The following MS4A6A variants were observed in gnomAD, a reference collection of about 807,000 sequenced individuals.
MS4A6A encodes the protein membrane-spanning 4-domains subfamily A member 6A.
In MS4A6A, 19 loss-of-function variants were observed where a neutral mutation model predicts 20.6. The ratio of observed to expected loss-of-function variants is 0.92; its 90% CI spans 0.64 to 1.36. The LOEUF (loss-of-function observed/expected upper bound fraction) is 1.36, where lower values mean the gene tolerates loss of function less well. Ranked by LOEUF, MS4A6A falls within the 40% of genes most tolerant of loss-of-function variation. MS4A6A has a pLI of 0.00. For synonymous variants in MS4A6A, 108 were observed against 105.0 expected (o/e 1.03, Z -0.17); for missense variants, 272 against 261.1 (o/e 1.04, Z -0.29).
At chr11:60,181,152 C>T (rs1041186706) in intron 2 of MS4A6A, 13 of 418,076 alleles carry the variant, frequency 3.1e-5, no homozygotes, top group African/African-American at 8.3e-5. Context: ...TTCTCAAAAA[C>T]GTTAGGAGAA....
chr11:60,181,272 A>T, intron 2 of MS4A6A: 2 of 425,144 alleles, frequency 4.7e-6, no homozygotes, highest in Non-Finnish European at 8.7e-6. Flanking sequence ...ATACACATAC[A>T]CACAATATGT....
At chr11:60,183,353 C>A (rs1273149595), upstream of MS4A6A, 2 of 592,986 alleles carry the variant, frequency 3.4e-6, no homozygotes, top group Non-Finnish European at 5.9e-6. Flanking sequence ...AGGAGCAATA[C>A]CAACACTGGA....
At chr11:60,178,864 T>A (rs1320497887) in intron 3 of MS4A6A, 1 of 426,572 alleles carries the variant, frequency 2.3e-6, no homozygotes, top group Admixed American at 2.9e-5. Flanking sequence ...CAAACCCAAA[T>A]TTAGGAACAT....
rs1423906641 is a variant in MS4A6A, at chr11:60,179,953, A to G, written c.160T>C (p.Leu54=). 5 of 1,613,872 alleles carry G rather than the reference A, an allele frequency of 3.1e-6. No homozygotes were observed. Among genetic ancestry groups the G allele is most frequent in the Non-Finnish European group, 4.2e-6 (5 of 1,179,930 alleles). Residue 54 remains leucine (L), a synonymous_variant, in exon 3 of 6, where the codon TTG becomes CTG. Transcript: ENST00000528851. ...EIKVIGTIQI[L]CGMMVLSLGI... is the part of the protein sequence containing the mutation. ...AAGCTCAATACCATCATGCCACACA[A>G]GATCTGGATAGTCTGTGGGAAGAGA... is the stretch of plus-strand genomic sequence containing the variant.
At chr11:60,180,744 C>G in intron 2 of MS4A6A, 3 of 262,860 alleles carry the variant, frequency 1.1e-5, no homozygotes, top group East Asian at 1.0e-4. Flanking sequence ...CAGACTAACA[C>G]AGGGACAGAA....
rs1402077110 is a variant in MS4A6A at position 60,175,438 on chromosome 11, A to G, written c.513T>C (p.Tyr171=). The G allele has an allele frequency of 9.3e-6, 15 of 1,614,058 alleles. No homozygotes were observed. Among genetic ancestry groups the G allele is most frequent in the Middle Eastern group, 1.6e-4 (1 of 6,082 alleles). ...YVSYFYHDSL[Y]TTDCYTAKAS... ...CTTTGGCTGTATAGCAGTCCGTGGT[A>G]TAAAGTGAATCATGATAAAAGTAAG... The change falls in exon 5 of 6, where the codon TAT becomes TAC. Residue 171 remains tyrosine (Y), a synonymous_variant. Transcript: ENST00000528851.
In MS4A6A at chr11:60,178,361, G is replaced by C. The variant is rs112900451; in HGVS notation, c.283-45C>G. The C allele has an allele frequency of 1.4e-3, 2,093 of 1,515,504 alleles. 30 individuals are homozygous for C. In the African/African-American group the frequency reaches 0.025, roughly 18 times the overall value. The allele number at this position is 1,515,504 out of a possible 1,614,324, so 93.9% of individuals were successfully genotyped here. On this transcript the variant is annotated intron_variant, in intron 3 of 5. Transcript: ENST00000528851. ...GGTCAGGTCAGATTCCATGTACAGAGTACCTTCGACGTCACTATCACAATG... is the reference window on the plus strand; with the variant it reads ...GGTCAGGTCAGATTCCATGTACAGACTACCTTCGACGTCACTATCACAATG...
Position 60,172,881 on chromosome 11 carries a change from C to A in MS4A6A, c.*120G>T, listed in dbSNP as rs1856648894. ...CTCAATTGCCATCTGCTTTTCTTCT[C>A]TGTCTTCCATCACAATGCAAATGCC... On this transcript the variant is annotated 3_prime_UTR_variant, in exon 6 of 6. Transcript: ENST00000528851. The A allele has an allele frequency of 6.6e-7, 1 of 1,525,026 alleles. No individual in the cohort carries two copies. Among genetic ancestry groups the A allele is most frequent in the Non-Finnish European group, 8.8e-7 (1 of 1,132,514 alleles). The allele number at this position is 1,525,026 out of a possible 1,614,324, so 94.5% of individuals were successfully genotyped here. A position where few individuals can be genotyped will look rare whatever the true frequency, so the allele number is the denominator to read the frequency against.
chr11:60,180,083 C>A, intron 2 of MS4A6A, 118 bp from the exon 3 acceptor site: 2 of 1,031,712 alleles, frequency 1.9e-6, no homozygotes, highest in Non-Finnish European at 2.8e-6. Context: ...AATGAGGATA[C>A]AAACCCTGTG....
In MS4A6A at chr11:60,178,252, T is replaced by C. The variant is rs544539573; in HGVS notation, c.339+8A>G. The C allele has an allele frequency of 2.5e-6, 4 of 1,609,722 alleles. No individual in the cohort carries two copies. The highest frequency in any genetic ancestry group is 1.7e-4 in the Middle Eastern group (1 of 6,052). On this transcript the variant is annotated splice_region_variant and intron_variant, in intron 4 of 5. Transcript: ENST00000528851. ...CATTGGGTTGTGGGTTATAGCTCTCTTACTCACCAAAAGCTTGGTTAACCT... is the reference window on the plus strand; with the variant it reads ...CATTGGGTTGTGGGTTATAGCTCTCCTACTCACCAAAAGCTTGGTTAACCT...
rs151122444 is a variant in MS4A6A at position 60,180,017 on chromosome 11, A to G, written c.148-52T>C. On this transcript the variant is annotated intron_variant, in intron 2 of 5. Transcript: ENST00000528851. ...GATGAAAACCAGCATTTGTAAAGAC[A>G]GGGCCTTTTTGCCGCTCCCATGGCA... is the stretch of plus-strand genomic sequence containing the variant. 35 of 1,588,290 alleles carry G rather than the reference A, an allele frequency of 2.2e-5. No individual in the cohort carries two copies. The African/African-American group carries it at 2.7e-4, about 12-fold the overall frequency.
intron 4 of MS4A6A, chr11:60,178,059 T>C (rs1158048480): frequency 1.7e-6 from 1 of 574,482 alleles, no homozygotes; most frequent in East Asian, 3.0e-5. Context: ...GAATGCAGAC[T>C]TTGATGTAGG....
intron 1 of MS4A6A, among the ~76,000 whole-genome samples, chr11:60,182,038 A>G (rs1857162280): frequency 6.6e-6 from 1 of 152,184 alleles, no homozygotes; most frequent in African/African-American, 2.4e-5. Context: ...AATATGCAAC[A>G]ACCTCCCTTT....
chr11:60,180,025 T>C, intron 2 of MS4A6A, 60 bp from the exon 3 acceptor site: 2 of 1,554,570 alleles, frequency 1.3e-6, no homozygotes. Context: ...ACAGGGCCTT[T>C]TTGCCGCTCC....
chr11:60,172,161 A>G (rs895039482), downstream of MS4A6A: 1 of 1,608,098 alleles, frequency 6.2e-7, no homozygotes, highest in South Asian at 1.1e-5. Context: ...TTTTTTCTTA[A>G]GAAGTCAATA....
Position 60,183,022 on chromosome 11 carries a change from GT to G in MS4A6A, c.-60del. ...CTGAGTCCTCAGAAGCTCCAAAGAG[GT>G]TTTAACTCTGGTTTCTCAGTCCCAT... On this transcript the variant is annotated 5_prime_UTR_variant, in exon 1 of 6. Transcript: ENST00000528851. The G allele has an allele frequency of 7.0e-7, 1 of 1,430,966 alleles. No homozygotes were observed. Among genetic ancestry groups the G allele is most frequent in the South Asian group, 1.5e-5 (1 of 64,610 alleles). 88.6% of individuals were successfully genotyped at this position (1,430,966 alleles called of 1,614,324 possible). A position where few individuals can be genotyped will look rare whatever the true frequency, so the allele number is the denominator to read the frequency against.
At chr11:60,176,715 A>G (rs1453345398) in intron 4 of MS4A6A, among the ~76,000 whole-genome samples, 2 of 152,176 alleles carry the variant, frequency 1.3e-5, no homozygotes, top group African/African-American at 4.8e-5. Flanking sequence ...AGTATTCTTG[A>G]TGCCTAGAGT....
intron 4 of MS4A6A, 105 bp from the exon 5 acceptor site, chr11:60,175,716 G>A: frequency 8.3e-7 from 1 of 1,204,786 alleles, no homozygotes; most frequent in Non-Finnish European, 1.2e-6. Flanking sequence ...CCCCTCAGGA[G>A]GTCTGGGATT....
At chr11:60,174,400 T>C (rs1004052983) in intron 5 of MS4A6A, among the ~76,000 whole-genome samples, 5 of 151,312 alleles carry the variant, frequency 3.3e-5, no homozygotes, top group Admixed American at 2.6e-4. Context: ...CTCAGCTCAC[T>C]GCAACCTCCG....
Sources: gnomAD v4.1 joint callset for allele counts (sites outside exome capture counted in the v4.1 genomes callset) on GRCh38, gnomAD v4.1.1 for gene constraint, MANE v1.5 for transcripts, NCBI Gene and HGNC (gene_info 2026-07-23, HGNC 2026-07-21) for gene names.